The following GRM5 variants were observed in gnomAD, a reference collection of about 807,000 sequenced individuals.
The protein encoded by GRM5 is glutamate metabotropic receptor 5, also known as metabotropic glutamate receptor 5.
In GRM5, 19 loss-of-function variants were observed where a neutral mutation model predicts 83.1. That is an observed-to-expected ratio of 0.23 (90% CI 0.16 to 0.34). The LOEUF is 0.34. Among genes scored for constraint, GRM5 ranks in the 10% least tolerant of loss-of-function variants. The probability of loss-of-function intolerance (pLI) is 1.00; values close to 1 mark genes in which losing one functional copy is unlikely to be tolerated. For missense variants in GRM5, 1,160 were observed against 1,588.3 expected, an observed-to-expected ratio of 0.73 and a Z score of 4.58; for synonymous variants, 675 against 633.6, an observed-to-expected ratio of 1.07 and a Z score of -0.98.
chr11:89,054,533 G>C (rs1395841525), intron 1 of GRM5, among the ~76,000 whole-genome samples: 1 of 152,246 alleles, frequency 6.6e-6, no homozygotes, highest in South Asian at 2.1e-4. Flanking sequence ...AAATGTGAAG[G>C]TGTGAGTATA....
intron 3 of GRM5, among the ~76,000 whole-genome samples, chr11:88,779,566 G>A (rs1432244478): frequency 2.0e-5 from 3 of 151,930 alleles, no homozygotes; most frequent in Non-Finnish European, 2.9e-5. Flanking sequence ...GAAACAAGAG[G>A]AAATGACATC....
chr11:88,987,266 C>T (rs561120413), intron 2 of GRM5, among the ~76,000 whole-genome samples: 6 of 152,098 alleles, frequency 3.9e-5, no homozygotes, highest in African/African-American at 1.4e-4. Flanking sequence ...CCTGGAAAAT[C>T]GGGTCACTCC....
intron 4 of GRM5, 101 bp downstream of exon 4, chr11:88,653,067 C>A: frequency 4.2e-6 from 3 of 722,488 alleles, no homozygotes; most frequent in Non-Finnish European, 4.7e-6. Flanking sequence ...ATGTAAGAGT[C>A]CTCCCTTGTA....
intron 8 of GRM5, among the ~76,000 whole-genome samples, chr11:88,545,700 T>G (rs996527762): frequency 1.3e-5 from 2 of 152,134 alleles, no homozygotes; most frequent in African/African-American, 4.8e-5. Flanking sequence ...ACATTCTAGT[T>G]GAAACCATCG....
rs868572665 is a variant in GRM5, at chr11:88,928,907, T to C, written c.662-78752A>G. Among the ~76,000 whole-genome samples, 20 of 138,764 alleles carry C rather than the reference T, an allele frequency of 1.4e-4. 1 individual carries two copies. The highest frequency in any genetic ancestry group is 3.1e-4 in the African/African-American group (11 of 35,840). 91.0% of individuals were successfully genotyped at this position (138,764 alleles called of 152,430 possible). A position where few individuals can be genotyped will look rare whatever the true frequency, so the allele number is the denominator to read the frequency against. On this transcript the variant is annotated intron_variant, in intron 2 of 9. Transcript: ENST00000305447. ...GTTTGTACCTATGTGTATGTGTATA[T>C]ACACACACACACACACACACACACA...
intron 5 of GRM5, among the ~76,000 whole-genome samples, chr11:88,602,550 C>T (rs1938028882): frequency 6.6e-6 from 1 of 152,124 alleles, no homozygotes; most frequent in African/African-American, 2.4e-5. Flanking sequence ...CTGGGAATGC[C>T]TTTGATCTGG....
chr11:88,952,533 C>A (rs183449285), intron 2 of GRM5, among the ~76,000 whole-genome samples: 2,544 of 152,046 alleles, frequency 0.017, 71 homozygotes, highest in African/African-American at 0.059. Context: ...TACCCCAAAA[C>A]GTAAAGAAAA....
chr11:88,794,202 G>A (rs570233098), intron 3 of GRM5, among the ~76,000 whole-genome samples: 10 of 152,108 alleles, frequency 6.6e-5, no homozygotes, highest in Admixed American at 2.6e-4. Flanking sequence ...TGCTTCAGGG[G>A]ACCAGCATCT....
intron 1 of GRM5, among the ~76,000 whole-genome samples, chr11:89,051,437 C>T (rs577506204): frequency 5.9e-5 from 9 of 152,146 alleles, no homozygotes; most frequent in Admixed American, 2.6e-4. Context: ...TGGCCAGGCG[C>T]GGTGGCTCAC....
intron 4 of GRM5, among the ~76,000 whole-genome samples, chr11:88,651,293 A>T (rs1939624858): frequency 6.6e-6 from 1 of 152,084 alleles, no homozygotes; most frequent in Non-Finnish European, 1.5e-5. Context: ...GTGGGAAAAG[A>T]AGAAATTAAT....
chr11:88,856,379 A>T (rs1357326245), intron 2 of GRM5, among the ~76,000 whole-genome samples: 1 of 152,058 alleles, frequency 6.6e-6, no homozygotes, highest in Non-Finnish European at 1.5e-5. Context: ...ACAGGCCAGG[A>T]TTGTCAATAT....
At chr11:88,561,198 G>T (rs1333177062) in intron 8 of GRM5, among the ~76,000 whole-genome samples, 1 of 152,152 alleles carries the variant, frequency 6.6e-6, no homozygotes, top group Non-Finnish European at 1.5e-5. Flanking sequence ...AGTTTTCTAG[G>T]CATATTGTAA....
At chr11:88,642,616 G>A (rs1565167592) in intron 4 of GRM5, among the ~76,000 whole-genome samples, 1 of 152,138 alleles carries the variant, frequency 6.6e-6, no homozygotes, top group Non-Finnish European at 1.5e-5. Flanking sequence ...TCTGAGCACA[G>A]ACAGATAGAA....
intron 7 of GRM5, among the ~76,000 whole-genome samples, chr11:88,569,031 T>C (rs1591355275): frequency 6.6e-6 from 1 of 152,158 alleles, no homozygotes. Flanking sequence ...TCTTTTACAA[T>C]TTTTTAGGAC....
intron 2 of GRM5, among the ~76,000 whole-genome samples, chr11:89,001,939 T>C (rs1430788059): frequency 6.6e-6 from 1 of 152,184 alleles, no homozygotes; most frequent in Non-Finnish European, 1.5e-5. Context: ...TTGTTCTTAA[T>C]GCTCTAACTG....
chr11:88,920,032 A>G (rs1945661408), intron 2 of GRM5, among the ~76,000 whole-genome samples: 1 of 152,108 alleles, frequency 6.6e-6, no homozygotes, highest in South Asian at 2.1e-4. Context: ...CTTGGTAGAA[A>G]AAAAGAAATA....
intron 2 of GRM5, among the ~76,000 whole-genome samples, chr11:88,909,917 G>T (rs1945467559): frequency 6.6e-6 from 1 of 151,894 alleles, no homozygotes; most frequent in African/African-American, 2.4e-5. Flanking sequence ...TTTAAATTAT[G>T]GTAAAATACA....
intron 2 of GRM5, among the ~76,000 whole-genome samples, chr11:89,016,340 G>T (rs1940855678): frequency 6.6e-6 from 1 of 150,802 alleles, no homozygotes; most frequent in African/African-American, 2.4e-5. Context: ...ATGTGCATGG[G>T]AATAATGGTT....
chr11:88,591,220 G>A (rs1318009617), intron 6 of GRM5, among the ~76,000 whole-genome samples: 3 of 152,150 alleles, frequency 2.0e-5, no homozygotes, highest in Non-Finnish European at 2.9e-5. Context: ...TTAGGAATTT[G>A]TATTGGGTAG....
Sources: gnomAD v4.1 joint callset for allele counts (sites outside exome capture counted in the v4.1 genomes callset) on GRCh38, gnomAD v4.1.1 for gene constraint, MANE v1.5 for transcripts, NCBI Gene and HGNC (gene_info 2026-07-23, HGNC 2026-07-21) for gene names.